C8orf76: variants seen among roughly 807,000 people sequenced by gnomAD.
C8orf76 encodes the protein chromosome 8 open reading frame 76, also known as uncharacterized protein C8orf76.
C8orf76 carries 46 observed loss-of-function variants against 38.1 expected under a neutral mutation model. The observed-to-expected ratio is 1.21, with a 90% CI of 0.95 to 1.54. The LOEUF is 1.54. C8orf76 is among the 40% of genes most tolerant of loss of function. The pLI is 0.00. For synonymous variants in C8orf76, 166 were observed against 167.5 expected (o/e 0.99, Z 0.07); for missense variants, 461 against 441.6 (o/e 1.04, Z -0.39).
At chr8:123,240,063 C>G (rs1428311861) in intron 1 of C8orf76, 2 of 152,326 alleles carry the variant, frequency 1.3e-5, no homozygotes, top group African/African-American at 4.8e-5. Flanking sequence ...TACAGCACAT[C>G]AGATCTGACA....
In C8orf76 at chr8:123,226,663, G is replaced by A. The variant is rs113594427; in HGVS notation, c.816-31C>T. The A allele has an allele frequency of 1.9e-3, 3,023 of 1,571,692 alleles. 58 individuals carry two copies. The African/African-American group carries it at 0.037, about 19-fold the overall frequency. On this transcript the variant is annotated intron_variant, in intron 4 of 5. Transcript: ENST00000276704. ...AAACCGAAAAGTCTCAATGCGTGGC[G>A]AAAAGTCCCAACGCTTCCAGATAAA... is the stretch of plus-strand genomic sequence containing the variant.
chr8:123,235,150 C>T (rs971637836), intron 3 of C8orf76, among the ~76,000 whole-genome samples: 2 of 152,084 alleles, frequency 1.3e-5, no homozygotes, highest in Admixed American at 6.6e-5. Flanking sequence ...TACCAGAAAG[C>T]CATTTTCTTA....
intron 5 of C8orf76, 144 bp downstream of exon 5, chr8:123,226,356 T>A: frequency 6.7e-7 from 1 of 1,488,478 alleles, no homozygotes; most frequent in Non-Finnish European, 8.8e-7. Context: ...CCTTGGTGAT[T>A]GCTGAGTGAT....
In C8orf76 at chr8:123,230,668, T is replaced by G. The variant is rs529128632; in HGVS notation, c.815+632A>C. Reference sequence around the variant, plus strand: ...GCCTGGTCAACTCTTTTTTTTTTTTTTGAGACGGAGTCTTGCCCTGTCGCC... The same window carrying G: ...GCCTGGTCAACTCTTTTTTTTTTTTGTGAGACGGAGTCTTGCCCTGTCGCC... On this transcript the variant is annotated intron_variant, in intron 4 of 5. Coordinates refer to ENST00000276704, the MANE Select transcript of C8orf76 (RefSeq NM_032847.3). Among the ~76,000 whole-genome samples, 305 of 151,940 alleles carry G rather than the reference T, an allele frequency of 2.0e-3. 3 individuals are homozygous for G. The highest frequency in any genetic ancestry group is 3.4e-3 in the Non-Finnish European group (234 of 67,952).
chr8:123,226,163 G>GA (rs890651904), intron 5 of C8orf76: 13 of 1,090,182 alleles, frequency 1.2e-5, no homozygotes, highest in East Asian at 1.6e-4. Flanking sequence ...ATGAATGGAG[G>GA]AAAAAAAATA....
At chr8:123,222,230 C>T (rs150324583) in intron 5 of C8orf76, among the ~76,000 whole-genome samples, 277 of 152,078 alleles carry the variant, frequency 1.8e-3, no homozygotes, top group African/African-American at 6.5e-3. Flanking sequence ...GTGATCCACC[C>T]GCTTCGGCCT....
chr8:123,226,251 G>A (rs1825039858), intron 5 of C8orf76: 1 of 1,346,544 alleles, frequency 7.4e-7, no homozygotes, highest in South Asian at 1.9e-5. Context: ...CATTGATGAT[G>A]TTCAGGCAGG....
intron 3 of C8orf76, among the ~76,000 whole-genome samples, chr8:123,237,486 G>A (rs1042300302): frequency 1.4e-4 from 21 of 152,028 alleles, no homozygotes; most frequent in Non-Finnish European, 2.8e-4. Flanking sequence ...ACAATCTAAC[G>A]AAGAAAACAG....
chr8:123,228,350 G>T (rs1825121407), intron 4 of C8orf76, among the ~76,000 whole-genome samples: 1 of 152,170 alleles, frequency 6.6e-6, no homozygotes, highest in Admixed American at 6.5e-5. Context: ...GCCAGGCGCG[G>T]TGGCTCACGC....
Position 123,228,573 on chromosome 8 carries a change from C to T in C8orf76, c.816-1941G>A, listed in dbSNP as rs141399982. On this transcript the variant is annotated intron_variant, in intron 4 of 5. Coordinates refer to ENST00000276704, the MANE Select transcript of C8orf76 (RefSeq NM_032847.3). ...AGCAGAGGTTGCGGTGAGCCGAGAT[C>T]GCGCCATTGCACTCCCACCTGGGCA... Among the ~76,000 whole-genome samples, 602 of 151,878 alleles carry T rather than the reference C, an allele frequency of 4.0e-3. 4 individuals are homozygous for T. Among genetic ancestry groups the T allele is most frequent in the African/African-American group, 0.014 (572 of 41,420 alleles).
intron 5 of C8orf76, among the ~76,000 whole-genome samples, chr8:123,223,189 T>C (rs1014832487): frequency 2.0e-5 from 3 of 152,234 alleles, no homozygotes; most frequent in African/African-American, 7.2e-5. Flanking sequence ...GCCCATGTCA[T>C]AATGTTAGGT....
chr8:123,234,539 C>T (rs767551267), intron 3 of C8orf76, among the ~76,000 whole-genome samples: 4 of 152,030 alleles, frequency 2.6e-5, no homozygotes, highest in Non-Finnish European at 4.4e-5. Flanking sequence ...GAGGCTGAGG[C>T]GGGTGGACTG....
At chr8:123,235,881 C>CAGTA (rs1176515729) in intron 3 of C8orf76, among the ~76,000 whole-genome samples, 9 of 152,124 alleles carry the variant, frequency 5.9e-5, no homozygotes, top group African/African-American at 2.2e-4. Context: ...GCGAGCAGGA[C>CAGTA]AGTAGTAAAG....
At chr8:123,234,887 GGGA>G (rs751308973) in intron 3 of C8orf76, among the ~76,000 whole-genome samples, 5 of 148,618 alleles carry the variant, frequency 3.4e-5, no homozygotes, top group Non-Finnish European at 7.5e-5. Flanking sequence ...GCTTGAACCT[GGGA>G]GGAGGAGGCT....
At chr8:123,233,825 G>A (rs573117287) in intron 3 of C8orf76, among the ~76,000 whole-genome samples, 4 of 151,926 alleles carry the variant, frequency 2.6e-5, no homozygotes, top group Admixed American at 2.0e-4. Context: ...TCAGGAGATC[G>A]AGACCATCCT....
In C8orf76 at chr8:123,231,634, G is replaced by A. The variant is rs1041710479; in HGVS notation, c.481C>T (p.Pro161Ser). 2 of 1,614,188 alleles carry A rather than the reference G, an allele frequency of 1.2e-6. No homozygotes were observed. Among genetic ancestry groups the A allele is most frequent in the Admixed American group, 3.3e-5 (2 of 60,022 alleles). Residue 161 changes from proline (P) to serine (S), a missense_variant, in exon 4 of 6, where the codon CCT (proline) becomes TCT (serine). Transcript: ENST00000276704. The stretch of plus-strand genomic sequence containing the variant: ...TTGCCCCAGTTCCAAGGATTAAAAG[G>A]ATGCAAAGAAATCAGTTTCTGCAGG... ...FCLQKLISLH[P>S]FNPWNWGKLA...
At chr8:123,238,788 G>A (rs1336687480) in intron 2 of C8orf76, 1 of 378,568 alleles carries the variant, frequency 2.6e-6, no homozygotes, top group African/African-American at 2.0e-5. Flanking sequence ...TAAGTAATGA[G>A]GAGATTCAGA....
chr8:123,230,864 G>A lies in C8orf76; in HGVS notation c.815+436C>T, dbSNP rs527270595. ...AGGGTTTCACCATGTTGGCCAGGCT[G>A]GTCTCGATCTTCTGACCTTGTGATC... On this transcript the variant is annotated intron_variant, in intron 4 of 5. Transcript: ENST00000276704. 2.0e-5 allele frequency among the ~76,000 whole-genome samples: 3 copies of A among 152,290 alleles called. No individual in the cohort carries two copies. The East Asian group carries it at 5.8e-4, about 29-fold the overall frequency.
chr8:123,223,373 C>T (rs1384933247), intron 5 of C8orf76, among the ~76,000 whole-genome samples: 3 of 152,114 alleles, frequency 2.0e-5, no homozygotes, highest in Non-Finnish European at 4.4e-5. Flanking sequence ...TTTGGGAGGC[C>T]GAGGCAGGCA....
Sources: gnomAD v4.1 joint callset for allele counts (sites outside exome capture counted in the v4.1 genomes callset) on GRCh38, gnomAD v4.1.1 for gene constraint, MANE v1.5 for transcripts, NCBI Gene and HGNC (gene_info 2026-07-23, HGNC 2026-07-21) for gene names.